Variants in FAM171A1 observed in about 807,000 individuals in gnomAD.
FAM171A1 encodes protein FAM171A1.
FAM171A1 carries 23 observed loss-of-function variants against 74.9 expected under a neutral mutation model. The ratio of observed to expected loss-of-function variants is 0.31; its 90% CI spans 0.22 to 0.44. The LOEUF (loss-of-function observed/expected upper bound fraction) is 0.44, where lower values mean the gene tolerates loss of function less well. FAM171A1 is among the 20% of genes least tolerant of loss of function. The pLI, the probability that FAM171A1 is intolerant of heterozygous loss-of-function variation, is 1.00. For synonymous variants in FAM171A1, 527 were observed against 505.7 expected (o/e 1.04, Z -0.57); for missense variants, 1,162 against 1,159.2 (o/e 1.00, Z -0.03).
chr10:15,266,300 G>T (rs1834739776), intron 3 of FAM171A1, among the ~76,000 whole-genome samples: 2 of 152,146 alleles, frequency 1.3e-5, no homozygotes, highest in Admixed American at 1.3e-4. Context: ...ACTATGGACT[G>T]GTTACCCCCA....
intron 2 of FAM171A1, among the ~76,000 whole-genome samples, chr10:15,281,449 G>A (rs532471499): frequency 1.3e-5 from 2 of 152,320 alleles, no homozygotes; most frequent in Admixed American, 1.3e-4. Flanking sequence ...AGAAAGTGCT[G>A]ATGGGCCGAT....
chr10:15,373,642 T>C (rs573336327), upstream of FAM171A1, among the ~76,000 whole-genome samples: 31 of 152,318 alleles, frequency 2.0e-4, no homozygotes, highest in South Asian at 6.2e-3. Flanking sequence ...GATGTTACAA[T>C]TGGGGGAAGC....
rs759547506 is a variant in FAM171A1 at position 15,214,024 on chromosome 10, C to T, written c.1564G>A (p.Ala522Thr). The T allele has an allele frequency of 2.3e-5, 37 of 1,614,012 alleles. No individual in the cohort carries two copies. Among genetic ancestry groups the T allele is most frequent in the South Asian group, 6.6e-5 (6 of 91,080 alleles). ...TGTTCTTTCTCAGGTGATGAAGGCG[C>T]GGGGTACAGATGTTCCTGAATGGTG... is the stretch of plus-strand genomic sequence containing the variant. ...KLTIQEHLYP[A>T]PSSPEKEQLL... The change falls in exon 8 of 8, where the codon GCG becomes ACG. Residue 522 changes from alanine (A) to threonine (T), a missense_variant. Physicochemically the swap from Ala to Thr is moderately conservative, Grantham distance 58 (BLOSUM62 0). Coordinates refer to ENST00000378116, the MANE Select transcript of FAM171A1 (RefSeq NM_001010924.2).
intron 1 of FAM171A1, among the ~76,000 whole-genome samples, chr10:15,330,513 T>A (rs1835615015): frequency 6.6e-6 from 1 of 152,042 alleles, no homozygotes; most frequent in African/African-American, 2.4e-5. Flanking sequence ...GCACAGAACT[T>A]CTTTCGGCCT....
chr10:15,265,366 T>C (rs1588520782), intron 3 of FAM171A1, among the ~76,000 whole-genome samples: 1 of 151,838 alleles, frequency 6.6e-6, no homozygotes, highest in African/African-American at 2.4e-5. Flanking sequence ...GTAATCCCAG[T>C]ACTTTTGGAG....
At chr10:15,270,108 C>A (rs56195577) in intron 3 of FAM171A1, among the ~76,000 whole-genome samples, 1 of 152,148 alleles carries the variant, frequency 6.6e-6, no homozygotes, top group Non-Finnish European at 1.5e-5. Flanking sequence ...CGCAACGGGT[C>A]GGGGAATTCC....
intron 6 of FAM171A1, among the ~76,000 whole-genome samples, chr10:15,217,707 A>G (rs1017972244): frequency 2.0e-5 from 3 of 150,542 alleles, no homozygotes; most frequent in Non-Finnish European, 4.4e-5. Context: ...GTGTGATCTC[A>G]GCTCATTGTA....
chr10:15,327,492 A>C (rs769709422), intron 1 of FAM171A1, among the ~76,000 whole-genome samples: 1 of 152,168 alleles, frequency 6.6e-6, no homozygotes, highest in Non-Finnish European at 1.5e-5. Flanking sequence ...TCTACAAAAA[A>C]ACATAGAAAT....
chr10:15,305,345 C>T (rs948570564), intron 1 of FAM171A1, among the ~76,000 whole-genome samples: 5 of 152,122 alleles, frequency 3.3e-5, no homozygotes, highest in African/African-American at 1.2e-4. Flanking sequence ...TGATGAACCT[C>T]TCACGTCACC....
chr10:15,230,570 T>C (rs1171183720), intron 5 of FAM171A1, among the ~76,000 whole-genome samples: 5 of 152,244 alleles, frequency 3.3e-5, no homozygotes, highest in African/African-American at 4.8e-5. Context: ...ACGATGACTG[T>C]ATTCAGCTGC....
At chr10:15,327,067 G>C (rs1307466759) in intron 1 of FAM171A1, among the ~76,000 whole-genome samples, 1 of 152,172 alleles carries the variant, frequency 6.6e-6, no homozygotes, top group Non-Finnish European at 1.5e-5. Context: ...AATGTGAGCT[G>C]TAAGTTTTAG....
At chr10:15,373,697 T>C (rs573829925), upstream of FAM171A1, among the ~76,000 whole-genome samples, 17 of 152,262 alleles carry the variant, frequency 1.1e-4, no homozygotes, top group Non-Finnish European at 1.9e-4. Context: ...TTTTGTAACT[T>C]TTTATGAGTC....
chr10:15,237,939 C>T (rs1364611498), intron 5 of FAM171A1, among the ~76,000 whole-genome samples: 1 of 152,152 alleles, frequency 6.6e-6, no homozygotes, highest in Non-Finnish European at 1.5e-5. Flanking sequence ...TTTCCAATAA[C>T]AGCTTTCTTA....
chr10:15,267,343 G>T (rs1360674088), intron 3 of FAM171A1, among the ~76,000 whole-genome samples: 2 of 151,994 alleles, frequency 1.3e-5, no homozygotes, highest in Non-Finnish European at 2.9e-5. Flanking sequence ...GGTGGCTCAT[G>T]CCTGTAATCC....
At chr10:15,307,813 CT>C (rs35420554) in intron 1 of FAM171A1, among the ~76,000 whole-genome samples, 207 of 142,392 alleles carry the variant, frequency 1.5e-3, no homozygotes, top group South Asian at 2.0e-3. Context: ...GAATTAATGC[CT>C]TTTTTTTTTT....
chr10:15,370,928 G>T (rs1360662173), intron 1 of FAM171A1, 28 bp downstream of exon 1: 1 of 1,085,934 alleles, frequency 9.2e-7, no homozygotes, highest in South Asian at 2.0e-5. Flanking sequence ...GCGACACAAA[G>T]CCCCCGGCCC....
In FAM171A1 at chr10:15,371,243, C is replaced by CGCGGCGGCGGCGGCGGCGGCGGCG. The variant is rs559398047; in HGVS notation, c.-192_-191insCGCCGCCGCCGCCGCCGCCGCCGC. On this transcript the variant is annotated 5_prime_UTR_variant, in exon 1 of 8. Coordinates refer to ENST00000378116, the MANE Select transcript of FAM171A1 (RefSeq NM_001010924.2). ...CCCGCGCCGGGTTTCCCCGAAGAGC[C>CGCGGCGGCGGCGGCGGCGGCGGCG]GCGGCGGCGGCGGCGGCGGCGGCTG... Among the ~76,000 whole-genome samples the CGCGGCGGCGGCGGCGGCGGCGGCG allele has an allele frequency of 3.5e-5, 5 of 141,608 alleles. No individual in the cohort carries two copies. Among genetic ancestry groups the CGCGGCGGCGGCGGCGGCGGCGGCG allele is most frequent in the Non-Finnish European group, 6.2e-5 (4 of 64,124 alleles). 92.9% of individuals were successfully genotyped at this position (141,608 alleles called of 152,430 possible).
At chr10:15,328,998 T>A (rs1384102074) in intron 1 of FAM171A1, among the ~76,000 whole-genome samples, 1 of 152,136 alleles carries the variant, frequency 6.6e-6, no homozygotes, top group Non-Finnish European at 1.5e-5. Context: ...GTAATCCACT[T>A]TCAGTCACGC....
intron 1 of FAM171A1, among the ~76,000 whole-genome samples, chr10:15,337,261 A>G (rs1462232346): frequency 1.3e-5 from 2 of 152,250 alleles, no homozygotes; most frequent in African/African-American, 2.4e-5. Context: ...AATCCCTAAA[A>G]AAGAAATATA....
Sources: allele counts gnomAD v4.1 joint callset (sites outside exome capture counted in the v4.1 genomes callset), GRCh38; gene constraint gnomAD v4.1.1; transcripts MANE v1.5; gene names NCBI Gene and HGNC (gene_info 2026-07-23, HGNC 2026-07-21).